Variants in GRM7 observed in about 807,000 individuals in gnomAD.
GRM7 encodes metabotropic glutamate receptor 7.
In GRM7, 35 loss-of-function variants were observed where a neutral mutation model predicts 84.5. The ratio of observed to expected loss-of-function variants is 0.41; its 90% CI spans 0.32 to 0.55. The LOEUF (loss-of-function observed/expected upper bound fraction) is 0.55, where lower values mean the gene tolerates loss of function less well. Among genes scored for constraint, GRM7 ranks in the 20% least tolerant of loss-of-function variants. The probability of loss-of-function intolerance (pLI) is 0.19; values close to 1 mark genes in which losing one functional copy is unlikely to be tolerated. For synonymous variants in GRM7, 487 were observed against 455.1 expected, an observed-to-expected ratio of 1.07 and a Z score of -0.89; for missense variants, 1,003 against 1,194.6, an observed-to-expected ratio of 0.84 and a Z score of 2.36.
rs555311674 is a variant in GRM7 at position 7,133,205 on chromosome 3, G to A, written c.520-13247G>A. Reference sequence around the variant, plus strand: ...GTTTGGCAAGTAGAAAGCAAAATGTGAAAAGCAGAGAGAGAATATGAAATG... The same window carrying A: ...GTTTGGCAAGTAGAAAGCAAAATGTAAAAAGCAGAGAGAGAATATGAAATG... On this transcript the variant is annotated intron_variant, in intron 1 of 9. Transcript: ENST00000357716. 4.6e-5 allele frequency among the ~76,000 whole-genome samples: 7 copies of A among 152,296 alleles called. No individual in the cohort carries two copies. The South Asian group carries it at 1.2e-3, about 27-fold the overall frequency.
chr3:6,875,303 C>T lies in GRM7; in HGVS notation c.519+13396C>T, dbSNP rs1035220934. ...CCTGATGATATGGTTTGGCTGTGTCCGCAACATCCAACTCTCACCTTGAAT... is the reference window on the plus strand; with the variant it reads ...CCTGATGATATGGTTTGGCTGTGTCTGCAACATCCAACTCTCACCTTGAAT... On this transcript the variant is annotated intron_variant, in intron 1 of 9. Coordinates refer to ENST00000357716, the MANE Select transcript of GRM7 (RefSeq NM_000844.4). 4.6e-5 allele frequency among the ~76,000 whole-genome samples: 7 copies of T among 151,566 alleles called. No individual in the cohort carries two copies. The East Asian group carries it at 7.8e-4, about 17-fold the overall frequency.
chr3:7,205,283 G>T (rs1366941501), intron 2 of GRM7, among the ~76,000 whole-genome samples: 1 of 152,212 alleles, frequency 6.6e-6, no homozygotes, highest in Non-Finnish European at 1.5e-5. Context: ...CTGGTCGTGG[G>T]TGGTGCATTG....
At chr3:7,162,623 TA>T (rs895168946) in intron 2 of GRM7, among the ~76,000 whole-genome samples, 2 of 149,928 alleles carry the variant, frequency 1.3e-5, no homozygotes, top group African/African-American at 4.9e-5. Flanking sequence ...AATATGCTAA[TA>T]AAGATAAGAG....
At chr3:7,679,882 G>A (rs966280320) in intron 8 of GRM7, among the ~76,000 whole-genome samples, 167 bp from the exon 9 acceptor site, 3 of 152,206 alleles carry the variant, frequency 2.0e-5, no homozygotes, top group Admixed American at 6.5e-5. Flanking sequence ...ACATGCATAT[G>A]CTCTCCAATA....
At chr3:6,887,964 C>T (rs2124976076) in intron 1 of GRM7, among the ~76,000 whole-genome samples, 1 of 152,248 alleles carries the variant, frequency 6.6e-6, no homozygotes, top group South Asian at 2.1e-4. Context: ...TTTTGGTTTG[C>T]ATTTCTCTTA....
chr3:6,989,030 T>A (rs996194069), intron 1 of GRM7, among the ~76,000 whole-genome samples: 1 of 152,186 alleles, frequency 6.6e-6, no homozygotes, highest in South Asian at 2.1e-4. Context: ...AGGGTAGGAT[T>A]TCTTAAATCT....
At chr3:7,180,897 G>C (rs1695315270) in intron 2 of GRM7, among the ~76,000 whole-genome samples, 1 of 152,022 alleles carries the variant, frequency 6.6e-6, no homozygotes, top group African/African-American at 2.4e-5. Context: ...CAAATTTTAA[G>C]CCAGTCCTTT....
chr3:7,424,982 C>A (rs529079234), intron 5 of GRM7, among the ~76,000 whole-genome samples: 1 of 152,262 alleles, frequency 6.6e-6, no homozygotes, highest in Non-Finnish European at 1.5e-5. Context: ...TCAGATGGAT[C>A]AACCCAATGG....
chr3:7,306,597 T>A lies in GRM7; in HGVS notation c.978T>A (p.His326Gln). Residue 326 changes from histidine (H) to glutamine (Q), a missense_variant, in exon 4 of 10, where the codon CAT (histidine) becomes CAA (glutamine). By Grantham distance (24) the His-to-Gln change is conservative (BLOSUM62 0). This residue lies in a region of GRM7 where 910 missense variants were observed against 1,126.0 expected (regional missense o/e 0.81). Transcript: ENST00000357716. ...CCAAAATAAACCCACTGCACCAGCA[T>A]GAAGATATCGCAGAAGGGGCCATCA... ...WGSKINPLHQ[H>Q]EDIAEGAITI... The A allele has an allele frequency of 6.2e-7, 1 of 1,613,354 alleles. No individual in the cohort carries two copies. The highest frequency in any genetic ancestry group is 8.5e-7 in the Non-Finnish European group (1 of 1,179,628).
At chr3:6,908,115 A>T (rs1696643700) in intron 1 of GRM7, among the ~76,000 whole-genome samples, 1 of 152,198 alleles carries the variant, frequency 6.6e-6, no homozygotes, top group African/African-American at 2.4e-5. Context: ...AGCAAGCAAG[A>T]AAATATTCCA....
At chr3:7,350,556 A>G (rs1309290573) in intron 4 of GRM7, among the ~76,000 whole-genome samples, 3 of 152,022 alleles carry the variant, frequency 2.0e-5, no homozygotes, top group Non-Finnish European at 4.4e-5. Context: ...AGCCTGCAAA[A>G]CTGTGAGCCA....
At chr3:7,370,027 T>G (rs1694066705) in intron 4 of GRM7, among the ~76,000 whole-genome samples, 1 of 152,104 alleles carries the variant, frequency 6.6e-6, no homozygotes. Context: ...CAAGTGTTGA[T>G]TCCAGCCACT....
At chr3:7,090,646 T>C (rs1698628894) in intron 1 of GRM7, among the ~76,000 whole-genome samples, 1 of 152,212 alleles carries the variant, frequency 6.6e-6, no homozygotes, top group Admixed American at 6.5e-5. Context: ...ATAGTATTCC[T>C]GGCCAAAGAA....
At chr3:7,611,306 G>A (rs911131113) in intron 8 of GRM7, among the ~76,000 whole-genome samples, 1 of 152,108 alleles carries the variant, frequency 6.6e-6, no homozygotes, top group African/African-American at 2.4e-5. Context: ...GTGTATCAAG[G>A]GGCCTATAAT....
At chr3:7,353,847 T>C (rs1031556796) in intron 4 of GRM7, among the ~76,000 whole-genome samples, 2 of 152,106 alleles carry the variant, frequency 1.3e-5, no homozygotes, top group Non-Finnish European at 2.9e-5. Context: ...GTTACTATAA[T>C]GGACAGCAGA....
At chr3:7,263,629 C>T (rs972737469) in intron 2 of GRM7, among the ~76,000 whole-genome samples, 49 of 152,184 alleles carry the variant, frequency 3.2e-4, no homozygotes, top group Admixed American at 1.3e-4. Flanking sequence ...GTGACCTCTG[C>T]TGTGCGCCCT....
chr3:6,943,160 T>A (rs1290446562), intron 1 of GRM7, among the ~76,000 whole-genome samples: 1 of 151,852 alleles, frequency 6.6e-6, no homozygotes, highest in Non-Finnish European at 1.5e-5. Context: ...TGGCAGCATA[T>A]CTTTTTGTTT....
chr3:7,086,803 TA>T (rs1254156320), intron 1 of GRM7, among the ~76,000 whole-genome samples: 1 of 152,168 alleles, frequency 6.6e-6, no homozygotes, highest in Non-Finnish European at 1.5e-5. Flanking sequence ...AGATAACAGA[TA>T]AAAAAGAGGA....
intron 1 of GRM7, among the ~76,000 whole-genome samples, chr3:6,866,420 C>A (rs570166580): frequency 9.9e-5 from 15 of 151,418 alleles, no homozygotes; most frequent in Non-Finnish European, 2.2e-4. Flanking sequence ...TTTGTCTTGT[C>A]AAAACTGTCT....
Sources: allele counts gnomAD v4.1 joint callset (sites outside exome capture counted in the v4.1 genomes callset), GRCh38; gene constraint gnomAD v4.1.1; regional missense constraint gnomAD v4.1.1; transcripts MANE v1.5; gene names NCBI Gene and HGNC (gene_info 2026-07-23, HGNC 2026-07-21).